COA1: variants seen among roughly 807,000 people sequenced by gnomAD.
COA1 encodes the protein cytochrome c oxidase assembly factor 1.
A neutral mutation model predicts 16.0 loss-of-function variants in COA1; 13 were observed. The ratio of observed to expected loss-of-function variants is 0.81; its 90% CI spans 0.53 to 1.29. The LOEUF (loss-of-function observed/expected upper bound fraction) is 1.29. Ranked by LOEUF, COA1 falls within the 50% of genes most tolerant of loss-of-function variation. The pLI, the probability that COA1 is intolerant of heterozygous loss-of-function variation, is 0.00. For missense variants in COA1, 179 were observed against 177.0 expected (o/e 1.01, Z -0.06); for synonymous variants, 65 against 65.7 (o/e 0.99, Z 0.05).
At chr7:43,609,614 G>GTAA (rs1183776147) in intron 6 of COA1, 1 of 152,142 alleles carries the variant, frequency 6.6e-6, no homozygotes, top group Non-Finnish European at 1.5e-5. Flanking sequence ...TTTTCTGATG[G>GTAA]TTACTTTCAT....
chr7:43,687,666 T>C (rs1437296921), intron 1 of COA1, among the ~76,000 whole-genome samples: 1 of 152,154 alleles, frequency 6.6e-6, no homozygotes, highest in Non-Finnish European at 1.5e-5. Context: ...AGTTAGTGAT[T>C]GAGGCAAAAG....
intron 6 of COA1, among the ~76,000 whole-genome samples, chr7:43,618,394 G>T (rs1193659227): frequency 6.6e-6 from 1 of 152,164 alleles, no homozygotes; most frequent in African/African-American, 2.4e-5. Context: ...TGTGGGAGTA[G>T]CTGTGTTATT....
intron 1 of COA1, among the ~76,000 whole-genome samples, chr7:43,716,889 T>C (rs1329756026): frequency 6.6e-6 from 1 of 152,174 alleles, no homozygotes; most frequent in African/African-American, 2.4e-5. Flanking sequence ...AAGGGGCCAA[T>C]GCAGAGCTTG....
intron 6 of COA1, among the ~76,000 whole-genome samples, chr7:43,621,585 A>G (rs1184460228): frequency 6.6e-6 from 1 of 152,134 alleles, no homozygotes; most frequent in Admixed American, 6.5e-5. Flanking sequence ...CTCCTGCCTC[A>G]GCCTCCCGAG....
chr7:43,695,855 T>A (rs1017237138), intron 1 of COA1, among the ~76,000 whole-genome samples: 4 of 152,202 alleles, frequency 2.6e-5, no homozygotes, highest in African/African-American at 7.2e-5. Context: ...CAGTTCTGCA[T>A]ATATATCCTA....
chr7:43,641,431 C>G (rs1016687052), intron 4 of COA1: 1 of 151,526 alleles, frequency 6.6e-6, no homozygotes, highest in Non-Finnish European at 1.5e-5. Flanking sequence ...AATAACAATA[C>G]AGATTCATGG....
At chr7:43,619,789 T>C (rs1048807043) in intron 6 of COA1, 5 of 1,576,088 alleles carry the variant, frequency 3.2e-6, no homozygotes, top group Admixed American at 1.8e-5. Context: ...GACTTGTCCA[T>C]GTGGCATGAC....
chr7:43,678,188 G>C (rs2093620315), intron 1 of COA1, among the ~76,000 whole-genome samples: 1 of 151,976 alleles, frequency 6.6e-6, no homozygotes. Flanking sequence ...CTTTTCAAAA[G>C]AACTGAAAAA....
chr7:43,682,163 G>A (rs996554681), intron 1 of COA1, among the ~76,000 whole-genome samples: 2 of 152,154 alleles, frequency 1.3e-5, no homozygotes, highest in Non-Finnish European at 2.9e-5. Flanking sequence ...AACAGGAATA[G>A]ATCAAAGCCT....
intron 1 of COA1, among the ~76,000 whole-genome samples, chr7:43,709,721 T>C (rs1165387628): frequency 6.6e-6 from 1 of 152,164 alleles, no homozygotes; most frequent in East Asian, 1.9e-4. Flanking sequence ...ATAAAACAAA[T>C]TGTCCCACTT....
At chr7:43,677,788 G>A (rs2093601841) in intron 1 of COA1, among the ~76,000 whole-genome samples, 1 of 133,858 alleles carries the variant, frequency 7.5e-6, no homozygotes, top group South Asian at 2.4e-4. Context: ...GTGAGAAAGG[G>A]AGGCTCTGTC....
intron 1 of COA1, among the ~76,000 whole-genome samples, chr7:43,654,976 A>G (rs1489687718): frequency 1.3e-5 from 2 of 152,352 alleles, no homozygotes; most frequent in South Asian, 2.1e-4. Flanking sequence ...AAGATATTCT[A>G]TAATCTACAT....
chr7:43,620,874 G>A (rs10247198), intron 6 of COA1, among the ~76,000 whole-genome samples: 2,650 of 152,200 alleles, frequency 0.017, 46 homozygotes, highest in Non-Finnish European at 0.026. Flanking sequence ...AGAGGAGGGC[G>A]GCCGTGGCAG....
intron 6 of COA1, among the ~76,000 whole-genome samples, chr7:43,615,729 C>T (rs2083283857): frequency 6.6e-6 from 1 of 152,166 alleles, no homozygotes; most frequent in South Asian, 2.1e-4. Flanking sequence ...CTTGTGCTGT[C>T]GTCCAGCCAC....
At chr7:43,686,399 C>T (rs191754399) in intron 1 of COA1, among the ~76,000 whole-genome samples, 6 of 151,088 alleles carry the variant, frequency 4.0e-5, no homozygotes, top group Admixed American at 1.3e-4. Flanking sequence ...CTCCGCCTTC[C>T]GGGTTCACGC....
chr7:43,644,427 T>C (rs1243411510), intron 4 of COA1, among the ~76,000 whole-genome samples: 1 of 152,208 alleles, frequency 6.6e-6, no homozygotes, highest in African/African-American at 2.4e-5. Context: ...AAAAATGGGT[T>C]GGTATTCTGT....
At chr7:43,629,895 A>G (rs1050839362) in intron 6 of COA1, among the ~76,000 whole-genome samples, 6 of 152,190 alleles carry the variant, frequency 3.9e-5, no homozygotes, top group Admixed American at 1.3e-4. Context: ...TTAACGTCCA[A>G]AGTAGTTTTT....
chr7:43,622,638 T>G (rs1056186560), intron 6 of COA1: 2 of 152,168 alleles, frequency 1.3e-5, no homozygotes, highest in Non-Finnish European at 2.9e-5. Flanking sequence ...CTTGCATATT[T>G]GACAGTGTCT....
chr7:43,667,462 T>C (rs918552630), intron 1 of COA1, among the ~76,000 whole-genome samples: 1 of 152,246 alleles, frequency 6.6e-6, no homozygotes, highest in African/African-American at 2.4e-5. Flanking sequence ...CGTCTAAGTA[T>C]ATGCTATCAA....
Sources: gnomAD v4.1 joint callset for allele counts (sites outside exome capture counted in the v4.1 genomes callset) on GRCh38, gnomAD v4.1.1 for gene constraint, MANE v1.5 for transcripts, NCBI Gene and HGNC (gene_info 2026-07-23, HGNC 2026-07-21) for gene names.